The following PARD3 variants were observed in gnomAD, a reference collection of about 807,000 sequenced individuals.
PARD3 encodes the protein partitioning defective 3 homolog.
In PARD3, 75 loss-of-function variants were observed where a neutral mutation model predicts 155.4. That is an observed-to-expected ratio of 0.48 (90% CI 0.40 to 0.58). The LOEUF (loss-of-function observed/expected upper bound fraction) is 0.58. Among genes scored for constraint, PARD3 ranks in the 20% least tolerant of loss-of-function variants. PARD3 has a pLI of 0.00. For missense variants in PARD3, 1,642 were observed against 1,721.7 expected (o/e 0.95, Z 0.82); for synonymous variants, 576 against 610.5 (o/e 0.94, Z 0.83).
At position 34,420,805 on chromosome 10, in the gene PARD3, C is replaced by T. The variant is rs757502171; in HGVS notation, c.715-18888G>A. On this transcript the variant is annotated intron_variant, in intron 5 of 24. Transcript: ENST00000374788. The stretch of plus-strand genomic sequence containing the variant: ...AATCCCACAGTTCGGTTTCTTTTCT[C>T]AAATGGTGACATTCAAAAATATATG... Among the ~76,000 whole-genome samples, 5 of 152,296 alleles carry T rather than the reference C, an allele frequency of 3.3e-5. No homozygotes were observed. In the South Asian group the frequency reaches 6.2e-4, roughly 19 times the overall value.
At chr10:34,219,851 C>A (rs532319735) in intron 22 of PARD3, among the ~76,000 whole-genome samples, 1 of 152,262 alleles carries the variant, frequency 6.6e-6, no homozygotes, top group South Asian at 2.1e-4. Flanking sequence ...ATTTTGAAAG[C>A]AAGACTCTAC....
intron 22 of PARD3, among the ~76,000 whole-genome samples, chr10:34,135,964 T>C (rs2132819196): frequency 6.6e-6 from 1 of 152,320 alleles, no homozygotes; most frequent in South Asian, 2.1e-4. Flanking sequence ...TGGTGTTGCT[T>C]CTTATTTAAG....
At chr10:34,385,749 T>C (rs950554502) in intron 7 of PARD3, among the ~76,000 whole-genome samples, 4 of 152,236 alleles carry the variant, frequency 2.6e-5, no homozygotes, top group African/African-American at 9.6e-5. Context: ...TGGGCATTTA[T>C]CATATTCTTC....
intron 22 of PARD3, among the ~76,000 whole-genome samples, chr10:34,148,824 T>C (rs1004622375): frequency 3.9e-5 from 6 of 152,176 alleles, no homozygotes; most frequent in African/African-American, 1.4e-4. Context: ...GTCAAAAACT[T>C]CAAAGAATTA....
At chr10:34,493,043 A>AT (rs1176477095) in intron 3 of PARD3, among the ~76,000 whole-genome samples, 1 of 152,162 alleles carries the variant, frequency 6.6e-6, no homozygotes, top group East Asian at 1.9e-4. Flanking sequence ...ATTATAATTC[A>AT]TTTTTCTGAG....
At chr10:34,426,967 A>G (rs2075642342) in intron 5 of PARD3, among the ~76,000 whole-genome samples, 1 of 152,212 alleles carries the variant, frequency 6.6e-6, no homozygotes, top group Admixed American at 6.5e-5. Context: ...TTTCATGGAC[A>G]TTTATCACTT....
Position 34,447,480 on chromosome 10 carries a change from C to CAAAAAAAAAAAAAAA in PARD3, c.714+2822_714+2836dup, listed in dbSNP as rs745637071. On this transcript the variant is annotated intron_variant, in intron 5 of 24. Coordinates refer to ENST00000374788, the MANE Select transcript of PARD3 (RefSeq NM_001184785.2). ...TGGGCAACAGAGCAAGACTGCGTCT[C>CAAAAAAAAAAAAAAA]AAAAAAAAAAAAAAAAAAAAAAAAA... Among the ~76,000 whole-genome samples, 25 of 37,212 alleles carry CAAAAAAAAAAAAAAA rather than the reference C, an allele frequency of 6.7e-4. 6 individuals are homozygous for CAAAAAAAAAAAAAAA. Among genetic ancestry groups the CAAAAAAAAAAAAAAA allele is most frequent in the Non-Finnish European group, 9.7e-4 (20 of 20,576 alleles). 24.4% of individuals were successfully genotyped at this position (37,212 alleles called of 152,430 possible). A position where few individuals can be genotyped will look rare whatever the true frequency, so the allele number is the denominator to read the frequency against.
chr10:34,427,091 T>G (rs1410503752), intron 5 of PARD3, among the ~76,000 whole-genome samples: 1 of 152,202 alleles, frequency 6.6e-6, no homozygotes, highest in African/African-American at 2.4e-5. Context: ...ATGATTGCGT[T>G]AACTGCACAA....
intron 2 of PARD3, among the ~76,000 whole-genome samples, chr10:34,528,789 G>T (rs1321575094): frequency 6.6e-6 from 1 of 152,068 alleles, no homozygotes; most frequent in Non-Finnish European, 1.5e-5. Flanking sequence ...GGTTTCAAGG[G>T]GTATGGAGAA....
intron 5 of PARD3, among the ~76,000 whole-genome samples, chr10:34,409,053 AT>A (rs1844784522): frequency 6.6e-6 from 1 of 152,140 alleles, no homozygotes. Context: ...TATAAGCGCC[AT>A]CCCCTCAACC....
rs552039454 is a variant in PARD3, at chr10:34,804,739, TAGAG to T, written c.120+10133_120+10136del. Among the ~76,000 whole-genome samples, 6 of 152,328 alleles carry T rather than the reference TAGAG, an allele frequency of 3.9e-5. No homozygotes were observed. In the South Asian group the frequency reaches 1.2e-3, roughly 32 times the overall value. ...TTAATTTTGGACTTAACATTGGACT[TAGAG>T]AAGAAAATTAAAACACAGACATAAA... is the stretch of plus-strand genomic sequence containing the variant. On this transcript the variant is annotated intron_variant, in intron 1 of 24. Transcript: ENST00000374788.
At chr10:34,578,239 TTTAAG>T (rs1478293293) in intron 2 of PARD3, among the ~76,000 whole-genome samples, 1 of 152,106 alleles carries the variant, frequency 6.6e-6, no homozygotes, top group Non-Finnish European at 1.5e-5. Flanking sequence ...AAAAAATTTT[TTTAAG>T]TTTTTTACCT....
intron 2 of PARD3, among the ~76,000 whole-genome samples, chr10:34,665,731 A>G (rs1382526650): frequency 6.6e-6 from 1 of 151,406 alleles, no homozygotes; most frequent in Admixed American, 6.6e-5. Flanking sequence ...CCAGCTACTC[A>G]GGAGGCTGAA....
intron 2 of PARD3, among the ~76,000 whole-genome samples, chr10:34,608,486 T>C (rs1474284440): frequency 6.6e-6 from 1 of 151,254 alleles, no homozygotes; most frequent in Admixed American, 6.6e-5. Flanking sequence ...ATTCAACCAA[T>C]CTCAGATTGA....
chr10:34,442,027 CA>C (rs2076489646), intron 5 of PARD3, among the ~76,000 whole-genome samples: 1 of 152,152 alleles, frequency 6.6e-6, no homozygotes, highest in South Asian at 2.1e-4. Context: ...TTAGTTTCTA[CA>C]TTTGGTGTTG....
At chr10:34,270,992 T>G (rs1955586656) in intron 21 of PARD3, among the ~76,000 whole-genome samples, 1 of 152,190 alleles carries the variant, frequency 6.6e-6, no homozygotes, top group African/African-American at 2.4e-5. Flanking sequence ...GGAAAAAATT[T>G]TAAAACCCTC....
rs529194488 is a variant in PARD3 at position 34,429,651 on chromosome 10, T to C, written c.714+20666A>G. On this transcript the variant is annotated intron_variant, in intron 5 of 24. Transcript: ENST00000374788. ...CCCGCGCTGGAGTGCAATGATGTGA[T>C]CTCAGTTCACCACAACCTCCGCCTC... Among the ~76,000 whole-genome samples the C allele has an allele frequency of 2.0e-5, 3 of 152,272 alleles. No homozygotes were observed. The East Asian group carries it at 5.8e-4, about 29-fold the overall frequency.
rs138457547 is a variant in PARD3, at chr10:34,521,603, C to G, written c.223-4444G>C. Among the ~76,000 whole-genome samples, 381 of 152,274 alleles carry G rather than the reference C, an allele frequency of 2.5e-3. 3 individuals are homozygous for G. Among genetic ancestry groups the G allele is most frequent in the African/African-American group, 8.6e-3 (356 of 41,562 alleles). On this transcript the variant is annotated intron_variant, in intron 2 of 24. Transcript: ENST00000374788. ...TCTGTTCCATTCATCTATCAAGTCTCCATGAGAAAAGACAGGCAGAATTTG... is the reference window on the plus strand; with the variant it reads ...TCTGTTCCATTCATCTATCAAGTCTGCATGAGAAAAGACAGGCAGAATTTG...
At position 34,520,214 on chromosome 10, in the gene PARD3, C is replaced by T. The variant is rs149092927; in HGVS notation, c.223-3055G>A. 5.8e-3 allele frequency among the ~76,000 whole-genome samples: 881 copies of T among 152,232 alleles called. 9 individuals are homozygous for T. Among genetic ancestry groups the T allele is most frequent in the African/African-American group, 0.02 (846 of 41,526 alleles). ...ATATCATCAATCCATTTATCATCGA[C>T]ACAACAAAGAAAACCATTGTACAGT... On this transcript the variant is annotated intron_variant, in intron 2 of 24. Coordinates refer to ENST00000374788, the MANE Select transcript of PARD3 (RefSeq NM_001184785.2).
Sources: gnomAD v4.1 joint callset for allele counts (sites outside exome capture counted in the v4.1 genomes callset) on GRCh38, gnomAD v4.1.1 for gene constraint, MANE v1.5 for transcripts, NCBI Gene and HGNC (gene_info 2026-07-23, HGNC 2026-07-21) for gene names.